Variants in C8orf34 observed in about 807,000 individuals in gnomAD.
The protein encoded by C8orf34 is uncharacterized protein C8orf34.
Under a neutral mutation model 68.3 loss-of-function variants are expected in C8orf34, and 65 were observed. The observed-to-expected ratio is 0.95, with a 90% CI of 0.78 to 1.17. The LOEUF (loss-of-function observed/expected upper bound fraction) is 1.17, where lower values mean the gene tolerates loss of function less well. Ranked by LOEUF, C8orf34 falls within the 50% of genes most tolerant of loss-of-function variation. The pLI, the probability that C8orf34 is intolerant of heterozygous loss-of-function variation, is 0.00. For synonymous variants in C8orf34, 244 were observed against 241.2 expected (o/e 1.01, Z -0.11); for missense variants, 664 against 655.4 (o/e 1.01, Z -0.14).
chr8:68,432,850 G>A (rs1810505261), intron 1 of C8orf34, among the ~76,000 whole-genome samples: 1 of 152,096 alleles, frequency 6.6e-6, no homozygotes, highest in African/African-American at 2.4e-5. Context: ...GCCAAAACTT[G>A]TAACAGAGCT....
At chr8:68,520,388 T>C (rs771143845) in intron 5 of C8orf34, among the ~76,000 whole-genome samples, 58 of 152,224 alleles carry the variant, frequency 3.8e-4, no homozygotes, top group Admixed American at 1.6e-3. Flanking sequence ...TGTACTGAAA[T>C]GTAGAATATG....
intron 7 of C8orf34, among the ~76,000 whole-genome samples, chr8:68,539,007 A>G (rs1241045332): frequency 1.3e-5 from 2 of 152,184 alleles, no homozygotes; most frequent in African/African-American, 4.8e-5. Flanking sequence ...GCTTATGTAA[A>G]TAAAATTATA....
chr8:68,684,794 A>AT lies in C8orf34; in HGVS notation c.1242-24200_1242-24199insT, dbSNP rs1424935724. On this transcript the variant is annotated intron_variant, in intron 8 of 13. Transcript: ENST00000518698. ...ATTATAGGCTGCTTATTAAAAAAAAAATATTTTTTTTAAAATTTCCCTTTT... is the reference window on the plus strand; with the variant it reads ...ATTATAGGCTGCTTATTAAAAAAAAATATATTTTTTTTAAAATTTCCCTTTT... 8.6e-3 allele frequency among the ~76,000 whole-genome samples: 1,306 copies of AT among 151,748 alleles called. 23 individuals are homozygous for AT. The highest frequency in any genetic ancestry group is 0.028 in the African/African-American group (1,170 of 41,398).
At chr8:68,697,609 T>G (rs1343830300) in intron 8 of C8orf34, among the ~76,000 whole-genome samples, 1 of 152,100 alleles carries the variant, frequency 6.6e-6, no homozygotes. Context: ...TGCATTTTGA[T>G]TCTTTCTCTT....
At chr8:68,335,142 G>A (rs1317964573) in intron 1 of C8orf34, among the ~76,000 whole-genome samples, 3 of 152,232 alleles carry the variant, frequency 2.0e-5, no homozygotes, top group East Asian at 1.9e-4. Flanking sequence ...AAATATTTTT[G>A]TCTAATTTAG....
In C8orf34 at chr8:68,465,813, A is replaced by AG. The variant is rs1220516733; in HGVS notation, c.608-2873dup. Among the ~76,000 whole-genome samples the AG allele has an allele frequency of 3.8e-5, 5 of 133,070 alleles. No homozygotes were observed. In the East Asian group the frequency reaches 7.5e-4, roughly 20 times the overall value. 87.3% of individuals were successfully genotyped at this position (133,070 alleles called of 152,430 possible). A position where few individuals can be genotyped will look rare whatever the true frequency, so the allele number is the denominator to read the frequency against. On this transcript the variant is annotated intron_variant, in intron 3 of 13. Transcript: ENST00000518698. ...CTGGGGCCTGTTGTGGGGTGGGGGC[A>AG]GGGGGGAGGGATAGCATTAGGAGAT...
intron 7 of C8orf34, among the ~76,000 whole-genome samples, chr8:68,556,294 CTTTTT>C (rs201095460): frequency 1.9e-5 from 2 of 105,878 alleles, no homozygotes; most frequent in Non-Finnish European, 2.1e-5. Context: ...AGGAGGGAAT[CTTTTT>C]TTTTTTTTTT....
intron 10 of C8orf34, among the ~76,000 whole-genome samples, chr8:68,769,881 G>A (rs1490085717): frequency 6.6e-6 from 1 of 152,178 alleles, no homozygotes; most frequent in African/African-American, 2.4e-5. Context: ...TAACCAGTGA[G>A]CGCGATACGT....
At chr8:68,525,581 A>G in intron 6 of C8orf34, 1 of 898,516 alleles carries the variant, frequency 1.1e-6, no homozygotes, top group South Asian at 1.3e-5. Flanking sequence ...GTGGTCCATG[A>G]TGCCAGCTGA....
chr8:68,558,187 C>T (rs1816310989), intron 7 of C8orf34, among the ~76,000 whole-genome samples: 1 of 152,088 alleles, frequency 6.6e-6, no homozygotes, highest in African/African-American at 2.4e-5. Context: ...TAACCCTCAG[C>T]ATTTTTATTC....
chr8:68,372,901 T>C (rs7000384), intron 1 of C8orf34, among the ~76,000 whole-genome samples: 61,933 of 152,080 alleles, frequency 0.41, 12,817 homozygotes, highest in Non-Finnish European at 0.44. Flanking sequence ...ACAAAGGAAA[T>C]GAACGTGCAG....
chr8:68,560,812 G>C (rs1816400602), intron 7 of C8orf34, among the ~76,000 whole-genome samples: 1 of 152,062 alleles, frequency 6.6e-6, no homozygotes, highest in Admixed American at 6.6e-5. Context: ...AGTGAGTGGT[G>C]AGTAAACGTG....
Position 68,651,924 on chromosome 8 carries a change from T to G in C8orf34, c.1241+11413T>G, listed in dbSNP as rs562797158. On this transcript the variant is annotated intron_variant, in intron 8 of 13. Coordinates refer to ENST00000518698, the MANE Select transcript of C8orf34 (RefSeq NM_052958.4). ...AAATAAAATAAAATAGTATATTGTC[T>G]TGAGAAAGTCTATGCACTCAATTTT... is the stretch of plus-strand genomic sequence containing the variant. Among the ~76,000 whole-genome samples, 27 of 152,338 alleles carry G rather than the reference T, an allele frequency of 1.8e-4. No homozygotes were observed. The South Asian group carries it at 4.6e-3, about 26-fold the overall frequency.
At chr8:68,471,669 T>G (rs188267377) in intron 4 of C8orf34, among the ~76,000 whole-genome samples, 171 of 152,252 alleles carry the variant, frequency 1.1e-3, no homozygotes, top group African/African-American at 3.9e-3. Flanking sequence ...TAAGGAATAT[T>G]CCATGTTTTG....
At position 68,691,533 on chromosome 8, in the gene C8orf34, T is replaced by G. The variant is rs574889198; in HGVS notation, c.1242-17461T>G. Reference sequence around the variant, plus strand: ...ACTTCAAACTGATAAGTGAATTATTTAAATATCTTTTTTCTAACTATGTTT... The same window carrying G: ...ACTTCAAACTGATAAGTGAATTATTGAAATATCTTTTTTCTAACTATGTTT... On this transcript the variant is annotated intron_variant, in intron 8 of 13. Coordinates refer to ENST00000518698, the MANE Select transcript of C8orf34 (RefSeq NM_052958.4). 2.0e-5 allele frequency among the ~76,000 whole-genome samples: 3 copies of G among 152,252 alleles called. No individual in the cohort carries two copies. The East Asian group carries it at 5.8e-4, about 29-fold the overall frequency.
intron 8 of C8orf34, among the ~76,000 whole-genome samples, chr8:68,679,970 A>T (rs998334128): frequency 3.9e-5 from 6 of 152,212 alleles, no homozygotes; most frequent in African/African-American, 1.2e-4. Flanking sequence ...TCAATCTATA[A>T]AACTACTAAA....
chr8:68,789,726 AT>A (rs1333505875), intron 12 of C8orf34, among the ~76,000 whole-genome samples: 2 of 152,184 alleles, frequency 1.3e-5, no homozygotes, highest in African/African-American at 4.8e-5. Context: ...GAATGGATTT[AT>A]TTTTTTCCAA....
intron 1 of C8orf34, among the ~76,000 whole-genome samples, chr8:68,367,907 G>GAAAAAAAAAA (rs1807360133): frequency 4.0e-4 from 6 of 15,032 alleles, no homozygotes; most frequent in Non-Finnish European, 3.9e-4. Context: ...AATAAAAAAA[G>GAAAAAAAAAA]AAAAGAAAAA....
intron 9 of C8orf34, among the ~76,000 whole-genome samples, chr8:68,714,540 A>C (rs1289267792): frequency 6.6e-6 from 1 of 152,036 alleles, no homozygotes; most frequent in Non-Finnish European, 1.5e-5. Flanking sequence ...AGCTGTAAAA[A>C]AAAATACTTA....
Sources: gnomAD v4.1 joint callset for allele counts (sites outside exome capture counted in the v4.1 genomes callset) on GRCh38, gnomAD v4.1.1 for gene constraint, MANE v1.5 for transcripts, NCBI Gene and HGNC (gene_info 2026-07-23, HGNC 2026-07-21) for gene names.